PLEKHH3: variants seen among roughly 807,000 people sequenced by gnomAD.
PLEKHH3 encodes the protein pleckstrin homology domain-containing family H member 3.
Under a neutral mutation model 77.8 loss-of-function variants are expected in PLEKHH3, and 57 were observed. The observed-to-expected ratio is 0.73, with a 90% CI of 0.59 to 0.91. The LOEUF (loss-of-function observed/expected upper bound fraction) is 0.91, where lower values mean the gene tolerates loss of function less well. Among genes scored for constraint, PLEKHH3 ranks in the 40% least tolerant of loss-of-function variants. The pLI is 0.00. For synonymous variants in PLEKHH3, 467 were observed against 504.8 expected (o/e 0.93, Z 1.00); for missense variants, 1,082 against 1,091.2 (o/e 0.99, Z 0.12).
rs2052765841 is a variant in PLEKHH3, at chr17:42,674,018, G to C, written c.219-5C>G. The C allele has an allele frequency of 6.2e-7, 1 of 1,612,638 alleles. No individual in the cohort carries two copies. The highest frequency in any genetic ancestry group is 8.5e-7 in the Non-Finnish European group (1 of 1,179,760). ...GTCTCCTCCCAGCTCTGCAGCCTGG[G>C]CCAGAGGGGAGGGAAGGTTGGGTCT... On this transcript the variant is annotated splice_region_variant and splice_polypyrimidine_tract_variant and intron_variant, in intron 2 of 12. Transcript: ENST00000591022.
chr17:42,674,344 C>A lies in PLEKHH3; in HGVS notation c.218+10G>T. 1 of 1,569,586 alleles carries A rather than the reference C, an allele frequency of 6.4e-7. No homozygotes were observed. Among genetic ancestry groups the A allele is most frequent in the Non-Finnish European group, 8.6e-7 (1 of 1,159,632 alleles). On this transcript the variant is annotated intron_variant, in intron 2 of 12. Transcript: ENST00000591022. ...GTCGCCAGACTATGGGACGTAGGGG[C>A]GTAGCTCACCTGTTGGAGACAGGCC...
At position 42,676,612 on chromosome 17, in the gene PLEKHH3, T is replaced by C. The variant is rs765938044; in HGVS notation, c.-49A>G. 1 of 1,526,668 alleles carries C rather than the reference T, an allele frequency of 6.6e-7. No homozygotes were observed. Among genetic ancestry groups the C allele is most frequent in the South Asian group, 1.2e-5 (1 of 83,734 alleles). 94.6% of individuals were successfully genotyped at this position (1,526,668 alleles called of 1,614,324 possible). ...GGCGCGGGCAGCCGCGGCCGAGCAG[T>C]AGGGGGTCGGAGGAACTGGCGGGGC... On this transcript the variant is annotated 5_prime_UTR_variant, in exon 1 of 13. Transcript: ENST00000591022. The surrounding 1 kb of genome is among the most constrained non-coding windows in gnomAD (Gnocchi z 6.6).
At position 42,674,336 on chromosome 17, in the gene PLEKHH3, C is replaced by T; in HGVS notation, c.218+18G>A. On this transcript the variant is annotated intron_variant, in intron 2 of 12. Transcript: ENST00000591022. The stretch of plus-strand genomic sequence containing the variant: ...ATGCTGGGGTCGCCAGACTATGGGA[C>T]GTAGGGGCGTAGCTCACCTGTTGGA... 4 of 1,559,024 alleles carry T rather than the reference C, an allele frequency of 2.6e-6. No individual in the cohort carries two copies. Among genetic ancestry groups the T allele is most frequent in the Middle Eastern group, 3.4e-4 (2 of 5,806 alleles).
chr17:42,674,635 T>C (rs2052782551), intron 1 of PLEKHH3: 2 of 409,944 alleles, frequency 4.9e-6, no homozygotes, highest in Non-Finnish European at 4.3e-6. Flanking sequence ...AAGGCTCCTC[T>C]CAGTTACCCT....
chr17:42,673,252 C>T lies in PLEKHH3; in HGVS notation c.693G>A (p.Arg231=), dbSNP rs1311978887. 1.9e-6 allele frequency: 3 copies of T among 1,593,764 alleles called. No homozygotes were observed. The highest frequency in any genetic ancestry group is 2.2e-5 in the East Asian group (1 of 44,656). ...DPEAVALIYL[R]NPILRHTSGA... is the part of the protein sequence containing the mutation. ...CACTAGTGTGTCTCAGAATCGGGTT[C>T]CTCAGGTAAATGAGGGCAACGGCCT... Residue 231 remains arginine, a synonymous_variant, in exon 6 of 13, where the codon AGG becomes AGA. Coordinates refer to ENST00000591022, the MANE Select transcript of PLEKHH3 (RefSeq NM_024927.5).
At chr17:42,675,196 G>A (rs1158428333) in intron 1 of PLEKHH3, among the ~76,000 whole-genome samples, 1 of 152,154 alleles carries the variant, frequency 6.6e-6, no homozygotes, top group African/African-American at 2.4e-5. Context: ...CCAGTCAGGC[G>A]GGAACCGTGC....
rs1306388543 is a variant in PLEKHH3, at chr17:42,670,334, C to T, written c.1597G>A (p.Asp533Asn). ...AGCGCCGCCAGGGCGCGCAGCGTGT[C>T]GTCGGGTGGGGGCGGCCGGCCCCGC... is the stretch of plus-strand genomic sequence containing the variant. ...LLRGRPPPPD[D>N]TLRALAALRL... Residue 533 changes from aspartate to asparagine, a missense_variant, in exon 11 of 13, where the codon GAC becomes AAC. Asp to Asn is a conservative substitution (Grantham distance 23). Around this residue, in one of 3 missense-constraint regions of PLEKHH3, gnomAD observed 733 missense variants for 750.0 expected, o/e 0.98. Coordinates refer to ENST00000591022, the MANE Select transcript of PLEKHH3 (RefSeq NM_024927.5). The T allele has an allele frequency of 1.4e-6, 2 of 1,398,884 alleles. No individual in the cohort carries two copies. The highest frequency in any genetic ancestry group is 3.2e-5 in the Admixed American group (1 of 30,828). 86.7% of individuals were successfully genotyped at this position (1,398,884 alleles called of 1,614,324 possible).
rs1255012194 is a variant in PLEKHH3 at position 42,670,250 on chromosome 17, G to T, written c.1681C>A (p.Arg561Ser). 3 of 1,231,758 alleles carry T rather than the reference G, an allele frequency of 2.4e-6. No homozygotes were observed. The highest frequency in any genetic ancestry group is 3.0e-6 in the Non-Finnish European group (3 of 988,234). The allele number at this position is 1,231,758 out of a possible 1,614,324, so 76.3% of individuals were successfully genotyped here. A position where few individuals can be genotyped will look rare whatever the true frequency, so the allele number is the denominator to read the frequency against. Residue 561 changes from arginine (R) to serine (S), a missense_variant, in exon 11 of 13, where the codon CGC (arginine) becomes AGC (serine). By Grantham distance (110) the Arg-to-Ser change is moderately radical. Coordinates refer to ENST00000591022, the MANE Select transcript of PLEKHH3 (RefSeq NM_024927.5). ...SPRVPLPRLDRLLPPPAPPRE... is the reference protein window; with the variant it reads ...SPRVPLPRLDSLLPPPAPPRE... Reference sequence around the variant, plus strand: ...GGCGGGGCCGGGGGCGGGAGCAGGCGGTCCAGGCGGGGCAGGGGCACCCGC... The same window carrying T: ...GGCGGGGCCGGGGGCGGGAGCAGGCTGTCCAGGCGGGGCAGGGGCACCCGC...
intron 6 of PLEKHH3, among the ~76,000 whole-genome samples, chr17:42,672,847 A>C (rs1044283412): frequency 2.6e-5 from 4 of 152,210 alleles, no homozygotes; most frequent in African/African-American, 9.6e-5. Context: ...CACATTCTAC[A>C]AAAGTGGTAG....
intron 3 of PLEKHH3, 39 bp downstream of exon 3, chr17:42,673,895 G>A (rs1227831918): frequency 6.2e-7 from 1 of 1,611,748 alleles, no homozygotes; most frequent in Non-Finnish European, 8.5e-7. Context: ...AGGGGGTTGG[G>A]ATTGGGGGCC....
At position 42,668,248 on chromosome 17, in the gene PLEKHH3, C is replaced by T. The variant is rs2052599154; in HGVS notation, c.2261G>A (p.Arg754Lys). Residue 754 changes from arginine to lysine, a missense_variant, in exon 13 of 13, where the codon AGG becomes AAG. This residue lies in a region of PLEKHH3 where 733 missense variants were observed against 750.0 expected (regional missense o/e 0.98). Coordinates refer to ENST00000591022, the MANE Select transcript of PLEKHH3 (RefSeq NM_024927.5). ...NAYLANPSPE[R>K]PCSSSSPPCQ... ...TGGAGGAGAAGAGCTGCTGCAGGGC[C>T]TCTCGGGGGAGGGGTTGGCCAAGTA... 1 of 1,557,304 alleles carries T rather than the reference C, an allele frequency of 6.4e-7. No homozygotes were observed. Among genetic ancestry groups the T allele is most frequent in the Non-Finnish European group, 8.6e-7 (1 of 1,158,808 alleles).
chr17:42,670,822 G>C (rs1358004480), intron 9 of PLEKHH3, 117 bp from the exon 10 acceptor site: 27 of 1,519,826 alleles, frequency 1.8e-5, no homozygotes, highest in Middle Eastern at 2.4e-4. Context: ...GCCGACAGCG[G>C]AGGTGATGCT....
chr17:42,670,048 G>C lies in PLEKHH3; in HGVS notation c.1883C>G (p.Ala628Gly), dbSNP rs780947724. ...REGGGGAGTA[A>G]AVLGGWKRLR... Reference sequence around the variant, plus strand: ...CCGCTTCCAGCCGCCCAGCACGGCAGCTGCCGTGCCGGCGCCGCCTCCTCC... The same window carrying C: ...CCGCTTCCAGCCGCCCAGCACGGCACCTGCCGTGCCGGCGCCGCCTCCTCC... The change falls in exon 11 of 13, where the codon GCT (alanine) becomes GGT (glycine). Residue 628 changes from alanine (A) to glycine (G), a missense_variant. Around this residue, in one of 3 missense-constraint regions of PLEKHH3, gnomAD observed 733 missense variants for 750.0 expected, o/e 0.98. Coordinates refer to ENST00000591022, the MANE Select transcript of PLEKHH3 (RefSeq NM_024927.5). 10 of 1,512,810 alleles carry C rather than the reference G, an allele frequency of 6.6e-6. No homozygotes were observed. The South Asian group carries it at 1.1e-4, about 17-fold the overall frequency. 93.7% of individuals were successfully genotyped at this position (1,512,810 alleles called of 1,614,324 possible).
chr17:42,670,294 A>C lies in PLEKHH3; in HGVS notation c.1637T>G (p.Leu546Arg). The C allele has an allele frequency of 7.4e-7, 1 of 1,344,418 alleles. No homozygotes were observed. The highest frequency in any genetic ancestry group is 1.8e-5 in the South Asian group (1 of 54,196). 83.3% of individuals were successfully genotyped at this position (1,344,418 alleles called of 1,614,324 possible). Residue 546 changes from leucine (L) to arginine (R), a missense_variant, in exon 11 of 13, where the codon CTG (leucine) becomes CGG (arginine). By Grantham distance (102) the Leu-to-Arg change is moderately radical. Coordinates refer to ENST00000591022, the MANE Select transcript of PLEKHH3 (RefSeq NM_024927.5). ...CACCCGCGGAGAGAAGTCCCGCTGC[A>C]GGCTCTGCAGGCGCAGCGCCGCCAG... ...RALAALRLQS[L>R]QRDFSPRVPL...
chr17:42,668,519 G>A lies in PLEKHH3; in HGVS notation c.2206-216C>T, dbSNP rs529580637. 198 of 347,242 alleles carry A rather than the reference G, an allele frequency of 5.7e-4. No homozygotes were observed. In the East Asian group the frequency reaches 9.4e-3, roughly 17 times the overall value. The allele number at this position is 347,242 out of a possible 1,614,324, so 21.5% of individuals were successfully genotyped here. A position where few individuals can be genotyped will look rare whatever the true frequency, so the allele number is the denominator to read the frequency against. Reference sequence around the variant, plus strand: ...GTCCCCCAGGTTGGAGTGCAGTGGCGCGATCTCAGCTCACTGCAAGCTCCG... The same window carrying A: ...GTCCCCCAGGTTGGAGTGCAGTGGCACGATCTCAGCTCACTGCAAGCTCCG... On this transcript the variant is annotated intron_variant, in intron 12 of 12. Transcript: ENST00000591022.
At chr17:42,669,659 GC>G in intron 11 of PLEKHH3, 38 bp from the exon 12 acceptor site, 1 of 1,575,692 alleles carries the variant, frequency 6.3e-7, no homozygotes, top group Non-Finnish European at 8.7e-7. Flanking sequence ...GGAAGGAGGA[GC>G]CCAGCGTTAT....
Position 42,669,451 on chromosome 17 carries a change from C to T in PLEKHH3, c.2184G>A (p.Gln728=). 1 of 1,557,614 alleles carries T rather than the reference C, an allele frequency of 6.4e-7. No individual in the cohort carries two copies. The highest frequency in any genetic ancestry group is 1.9e-5 in the Admixed American group (1 of 53,778). ...HTLALRVGES[Q]LLLQSPQVEE... ...TCACCTGGGGGCTCTGCAGGAGGAG[C>T]TGGCTCTCTCCCACCCTCAAGGCCA... Residue 728 remains glutamine, a synonymous_variant, in exon 12 of 13, where the codon CAG becomes CAA. Coordinates refer to ENST00000591022, the MANE Select transcript of PLEKHH3 (RefSeq NM_024927.5).
chr17:42,671,109 G>T lies in PLEKHH3; in HGVS notation c.1306C>A (p.Arg436=). Residue 436 remains arginine (R), a synonymous_variant, in exon 9 of 13, where the codon CGG becomes AGG. Transcript: ENST00000591022. This position sits in a 1 kb window ranked among gnomAD's most constrained non-coding sequence, Gnocchi z 4.7. The stretch of plus-strand genomic sequence containing the variant: ...TTGCGGCTCCGGGCCAAGCCCAGCC[G>T]CCCCACCAGCTCTCGAGCCACCTAG... ...AGEVARELVG[R]LGLARSRNAF... 9 of 1,591,816 alleles carry T rather than the reference G, an allele frequency of 5.7e-6. No homozygotes were observed. The highest frequency in any genetic ancestry group is 6.8e-6 in the Non-Finnish European group (8 of 1,167,984).
In PLEKHH3 at chr17:42,671,269, C is replaced by A; in HGVS notation, c.1284+82G>T. 1 of 1,555,914 alleles carries A rather than the reference C, an allele frequency of 6.4e-7. No individual in the cohort carries two copies. Among genetic ancestry groups the A allele is most frequent in the Non-Finnish European group, 8.7e-7 (1 of 1,145,254 alleles). ...AAAATAATCTAGACTCGGGGCAAAC[C>A]TAGGGTCCAGGAAGAGGGAGAGACA... On this transcript the variant is annotated intron_variant, in intron 8 of 12. Transcript: ENST00000591022. This position sits in a 1 kb window ranked among gnomAD's most constrained non-coding sequence, Gnocchi z 4.7.
Sources: allele counts gnomAD v4.1 joint callset (sites outside exome capture counted in the v4.1 genomes callset), GRCh38; gene constraint gnomAD v4.1.1; regional missense constraint gnomAD v4.1.1; non-coding constraint Gnocchi (gnomAD v3.1); transcripts MANE v1.5; gene names NCBI Gene and HGNC (gene_info 2026-07-23, HGNC 2026-07-21).